Variants in PDE4D observed in about 807,000 individuals in gnomAD.
PDE4D encodes 3',5'-cyclic-AMP phosphodiesterase 4D.
Under a neutral mutation model 87.4 loss-of-function variants are expected in PDE4D, and 24 were observed. The observed-to-expected ratio is 0.27, with a 90% CI of 0.20 to 0.39. PDE4D has a LOEUF of 0.39. Among genes scored for constraint, PDE4D ranks in the 10% least tolerant of loss-of-function variants. The probability of loss-of-function intolerance (pLI) is 1.00; values close to 1 mark genes in which losing one functional copy is unlikely to be tolerated. For missense variants in PDE4D, 714 were observed against 1,041.0 expected (o/e 0.69, Z 4.32); for synonymous variants, 384 against 383.2 (o/e 1.00, Z -0.02).
At chr5:60,422,941 A>T (rs1407334351) in intron 1 of PDE4D, among the ~76,000 whole-genome samples, 2 of 152,240 alleles carry the variant, frequency 1.3e-5, no homozygotes, top group East Asian at 3.8e-4. Context: ...ATCAGAAGAG[A>T]CAAAGAAAGG....
At chr5:60,007,922 T>G (rs866964922) in intron 2 of PDE4D, among the ~76,000 whole-genome samples, 1 of 151,990 alleles carries the variant, frequency 6.6e-6, no homozygotes, top group Non-Finnish European at 1.5e-5. Context: ...GCTCCTGGAA[T>G]GGAATTCACC....
intron 1 of PDE4D, among the ~76,000 whole-genome samples, chr5:59,284,552 T>C (rs1337452028): frequency 6.6e-6 from 1 of 150,614 alleles, no homozygotes; most frequent in East Asian, 2.0e-4. Context: ...CATTAAAAAG[T>C]CAGGAAACAA....
At chr5:60,140,322 A>G (rs2149417473) in intron 2 of PDE4D, among the ~76,000 whole-genome samples, 1 of 152,148 alleles carries the variant, frequency 6.6e-6, no homozygotes, top group East Asian at 1.9e-4. Context: ...ATTACATGGT[A>G]TATTTCAGAA....
chr5:59,346,011 C>T (rs1206360739), intron 1 of PDE4D, among the ~76,000 whole-genome samples: 1 of 152,144 alleles, frequency 6.6e-6, no homozygotes, highest in Non-Finnish European at 1.5e-5. Context: ...GTAGCATATT[C>T]ATTTGGTGCA....
chr5:59,706,351 T>C (rs761916145), intron 1 of PDE4D, among the ~76,000 whole-genome samples: 8 of 152,134 alleles, frequency 5.3e-5, no homozygotes, highest in Non-Finnish European at 1.2e-4. Context: ...CTAGGTTAGA[T>C]GTGGGGGCAA....
chr5:59,086,040 A>G (rs1767619099), intron 5 of PDE4D, among the ~76,000 whole-genome samples: 1 of 152,218 alleles, frequency 6.6e-6, no homozygotes, highest in African/African-American at 2.4e-5. Context: ...CAGAAGAGTA[A>G]AAAGTAAACA....
intron 6 of PDE4D, among the ~76,000 whole-genome samples, chr5:59,034,466 T>C (rs1177124809): frequency 6.6e-6 from 1 of 152,174 alleles, no homozygotes; most frequent in Non-Finnish European, 1.5e-5. Context: ...TGTGGAAATA[T>C]CTTAAGATTT....
At chr5:59,218,986 T>C (rs1043688428) in intron 1 of PDE4D, among the ~76,000 whole-genome samples, 11 of 134,118 alleles carry the variant, frequency 8.2e-5, no homozygotes, top group African/African-American at 3.1e-4. Context: ...TAGGTGGGAA[T>C]TGAACAATGA....
At chr5:60,395,790 CT>C (rs1228135535) in intron 1 of PDE4D, among the ~76,000 whole-genome samples, 2 of 151,870 alleles carry the variant, frequency 1.3e-5, no homozygotes, top group Non-Finnish European at 2.9e-5. Flanking sequence ...CCAAACTCCC[CT>C]TCAGAACTCC....
intron 1 of PDE4D, among the ~76,000 whole-genome samples, chr5:59,303,702 G>C (rs1770716622): frequency 6.6e-6 from 1 of 152,106 alleles, no homozygotes; most frequent in South Asian, 2.1e-4. Context: ...TTGGCTGTAA[G>C]TATTTGGGTT....
intron 1 of PDE4D, among the ~76,000 whole-genome samples, chr5:59,642,735 A>G (rs1580101229): frequency 6.6e-6 from 1 of 152,192 alleles, no homozygotes; most frequent in South Asian, 2.1e-4. Context: ...AGACTAACAC[A>G]TGCACTAAGA....
intron 3 of PDE4D, among the ~76,000 whole-genome samples, chr5:59,979,599 A>G (rs1761709696): frequency 6.6e-6 from 1 of 152,178 alleles, no homozygotes; most frequent in Non-Finnish European, 1.5e-5. Context: ...ATGCTAATCT[A>G]TTAAACAAAG....
At chr5:59,562,972 C>T (rs564576721) in intron 1 of PDE4D, among the ~76,000 whole-genome samples, 1 of 152,268 alleles carries the variant, frequency 6.6e-6, no homozygotes, top group African/African-American at 2.4e-5. Flanking sequence ...CTCTGTCTCA[C>T]TTCCTTCCGG....
At chr5:59,175,404 A>C (rs2153475264) in intron 5 of PDE4D, among the ~76,000 whole-genome samples, 1 of 151,548 alleles carries the variant, frequency 6.6e-6, no homozygotes, top group African/African-American at 2.4e-5. Flanking sequence ...AGGCATTGGG[A>C]CAGGGTTATA....
At chr5:60,422,347 C>T (rs529373683) in intron 1 of PDE4D, among the ~76,000 whole-genome samples, 3 of 152,280 alleles carry the variant, frequency 2.0e-5, no homozygotes, top group South Asian at 2.1e-4. Context: ...GCAGCTCTCT[C>T]AGCAGAAACC....
chr5:59,985,131 G>GTTTTTTTTTTTTTTT (rs1357220308), intron 3 of PDE4D, among the ~76,000 whole-genome samples: 1 of 116,086 alleles, frequency 8.6e-6, no homozygotes, highest in South Asian at 3.3e-4. Context: ...TTCGTTTTTT[G>GTTTTTTTTTTTTTTT]TTTTTTGTTT....
chr5:59,126,009 G>A (rs1197940155), intron 5 of PDE4D, among the ~76,000 whole-genome samples: 1 of 151,674 alleles, frequency 6.6e-6, no homozygotes, highest in Non-Finnish European at 1.5e-5. Flanking sequence ...GAGAGCAAGG[G>A]GCTCTGATCC....
intron 1 of PDE4D, among the ~76,000 whole-genome samples, chr5:60,368,059 A>G (rs977009818): frequency 2.0e-5 from 3 of 152,108 alleles, no homozygotes; most frequent in Non-Finnish European, 4.4e-5. Context: ...AATGTTTTTG[A>G]TGCTCTACAA....
intron 1 of PDE4D, among the ~76,000 whole-genome samples, chr5:59,247,305 T>C (rs561903878): frequency 9.3e-4 from 142 of 152,266 alleles, no homozygotes; most frequent in African/African-American, 3.4e-3. Context: ...AGTAAAGTGC[T>C]GAATTTCAGG....
Sources: allele counts gnomAD v4.1 joint callset (sites outside exome capture counted in the v4.1 genomes callset), GRCh38; gene constraint gnomAD v4.1.1; transcripts MANE v1.5; gene names NCBI Gene and HGNC (gene_info 2026-07-23, HGNC 2026-07-21).